TRAPPC9: variants seen among roughly 807,000 people sequenced by gnomAD.
TRAPPC9 encodes trafficking protein particle complex subunit 9.
A neutral mutation model predicts 124.0 loss-of-function variants in TRAPPC9; 83 were observed. The observed-to-expected ratio is 0.67, with a 90% CI of 0.56 to 0.80. TRAPPC9 has a LOEUF of 0.80. Ranked by LOEUF, TRAPPC9 falls within the 30% of genes least tolerant of loss-of-function variation. The pLI is 0.00. For missense variants in TRAPPC9, 1,302 were observed against 1,508.3 expected (o/e 0.86, Z 2.27); for synonymous variants, 638 against 617.5 (o/e 1.03, Z -0.49).
intron 21 of TRAPPC9, among the ~76,000 whole-genome samples, chr8:139,869,606 C>T (rs1231499261): frequency 6.6e-6 from 1 of 152,210 alleles, no homozygotes; most frequent in Non-Finnish European, 1.5e-5. Flanking sequence ...ACATTTTCAA[C>T]TCAATACACT....
intron 17 of TRAPPC9, among the ~76,000 whole-genome samples, chr8:140,034,868 C>A (rs745435101): frequency 6.6e-6 from 1 of 152,224 alleles, no homozygotes; most frequent in Non-Finnish European, 1.5e-5. Context: ...ATGCTGTCTC[C>A]CAGAGAAAGG....
intron 21 of TRAPPC9, among the ~76,000 whole-genome samples, chr8:139,865,536 T>C (rs954420292): frequency 6.6e-6 from 1 of 152,034 alleles, no homozygotes; most frequent in African/African-American, 2.4e-5. Context: ...AAAGGTATGT[T>C]TGAGACCAGG....
chr8:139,957,257 G>A (rs745282), intron 19 of TRAPPC9, among the ~76,000 whole-genome samples: 2 of 152,234 alleles, frequency 1.3e-5, no homozygotes, highest in Middle Eastern at 3.4e-3. Context: ...GGAGGGCCGC[G>A]TACCTGCCCT....
At chr8:139,842,643 C>A (rs996108699) in intron 21 of TRAPPC9, among the ~76,000 whole-genome samples, 12 of 151,288 alleles carry the variant, frequency 7.9e-5, no homozygotes, top group African/African-American at 2.9e-4. Context: ...GGCTGGACTC[C>A]CATGGAGGAG....
chr8:140,442,431 C>T (rs1454218662), intron 2 of TRAPPC9, among the ~76,000 whole-genome samples: 1 of 151,692 alleles, frequency 6.6e-6, no homozygotes, highest in Non-Finnish European at 1.5e-5. Context: ...AACCCCGTGT[C>T]TACTGAAAAT....
chr8:139,865,683 CTCAGCCTGAAGCCA>C (rs1168991368), intron 21 of TRAPPC9, among the ~76,000 whole-genome samples: 1 of 152,292 alleles, frequency 6.6e-6, no homozygotes, highest in East Asian at 1.9e-4. Flanking sequence ...CCCCAAACAA[CTCAGCCTGAAGCCA>C]TGGGGTCCCA....
At chr8:139,852,980 C>G (rs1440182248) in intron 21 of TRAPPC9, among the ~76,000 whole-genome samples, 1 of 152,234 alleles carries the variant, frequency 6.6e-6, no homozygotes, top group Admixed American at 6.5e-5. Flanking sequence ...CAGCCGCTGA[C>G]CAAGCCATAC....
intron 15 of TRAPPC9, among the ~76,000 whole-genome samples, chr8:140,272,373 T>TGGTAGTGAG (rs2064964851): frequency 1.0e-5 from 1 of 98,978 alleles, no homozygotes; most frequent in Non-Finnish European, 2.1e-5. Flanking sequence ...GTAGTGAGGG[T>TGGTAGTGAG]GGTGGTGATG....
chr8:139,960,312 C>T (rs1045259756), intron 19 of TRAPPC9, among the ~76,000 whole-genome samples: 2 of 152,074 alleles, frequency 1.3e-5, no homozygotes, highest in Non-Finnish European at 2.9e-5. Flanking sequence ...GTGGCAAAAG[C>T]CTTTACAAAA....
Position 139,907,545 on chromosome 8 carries a change from G to A in TRAPPC9, c.2964+2602C>T, listed in dbSNP as rs1307605496. On this transcript the variant is annotated intron_variant, in intron 20 of 22. Coordinates refer to ENST00000438773, the MANE Select transcript of TRAPPC9 (RefSeq NM_001160372.4). The surrounding 1 kb of genome is among the most constrained non-coding windows in gnomAD (Gnocchi z 4.7). ...GGAGAGGGAGAAAGAGAAAGGGGGG[G>A]AGGAAGGGATGGAGGCAGAGAGGGA... 7.3e-6 allele frequency among the ~76,000 whole-genome samples: 1 copy of A among 136,878 alleles called. No homozygotes were observed. Among genetic ancestry groups the A allele is most frequent in the East Asian group, 2.5e-4 (1 of 4,036 alleles). The allele number at this position is 136,878 out of a possible 152,430, so 89.8% of individuals were successfully genotyped here. A position where few individuals can be genotyped will look rare whatever the true frequency, so the allele number is the denominator to read the frequency against.
rs149173591 is a variant in TRAPPC9 at position 140,344,124 on chromosome 8, A to G, written c.1495+15926T>C. Among the ~76,000 whole-genome samples, 351 of 152,234 alleles carry G rather than the reference A, an allele frequency of 2.3e-3. 1 individual carries two copies. The highest frequency in any genetic ancestry group is 8.0e-3 in the African/African-American group (333 of 41,552). On this transcript the variant is annotated intron_variant, in intron 9 of 22. Coordinates refer to ENST00000438773, the MANE Select transcript of TRAPPC9 (RefSeq NM_001160372.4). The stretch of plus-strand genomic sequence containing the variant: ...ATCAGGGCATGTGAGTAGAGTTCTC[A>G]TGATAGGAGGAGTTCCCTTGTAAAG...
intron 19 of TRAPPC9, 67 bp downstream of exon 19, chr8:139,988,659 C>G (rs1587424145): frequency 1.8e-6 from 2 of 1,088,596 alleles, no homozygotes; most frequent in Non-Finnish European, 2.7e-6. Context: ...ATCTCCACAC[C>G]CTCCCAAGCA....
At chr8:140,077,472 C>T (rs781542505) in intron 17 of TRAPPC9, among the ~76,000 whole-genome samples, 1 of 152,114 alleles carries the variant, frequency 6.6e-6, no homozygotes, top group Non-Finnish European at 1.5e-5. Flanking sequence ...GCAGGTGTGA[C>T]CAGATGCCTA....
chr8:139,987,242 T>C (rs1229191162), intron 19 of TRAPPC9, among the ~76,000 whole-genome samples: 2 of 152,250 alleles, frequency 1.3e-5, no homozygotes, highest in African/African-American at 4.8e-5. Flanking sequence ...ATATGTTTCA[T>C]ATTATCCTTA....
intron 21 of TRAPPC9, among the ~76,000 whole-genome samples, chr8:139,831,242 C>G (rs570405819): frequency 1.3e-5 from 2 of 152,168 alleles, no homozygotes; most frequent in Non-Finnish European, 2.9e-5. Flanking sequence ...ATTAGTTGGA[C>G]TTGTGTGGTC....
rs548638318 is a variant in TRAPPC9 at position 140,088,477 on chromosome 8, G to T, written c.2557-64398C>A. ...CATCTCCGCTTAAACACACAACGAG[G>T]ACTGGGACCTTTTGAAATTATGACT... On this transcript the variant is annotated intron_variant, in intron 17 of 22. Coordinates refer to ENST00000438773, the MANE Select transcript of TRAPPC9 (RefSeq NM_001160372.4). Among the ~76,000 whole-genome samples the T allele has an allele frequency of 9.2e-5, 14 of 152,330 alleles. No homozygotes were observed. The East Asian group carries it at 2.7e-3, about 29-fold the overall frequency.
intron 7 of TRAPPC9, among the ~76,000 whole-genome samples, chr8:140,383,402 T>G (rs1179288141): frequency 6.6e-6 from 1 of 152,120 alleles, no homozygotes; most frequent in Admixed American, 6.5e-5. Flanking sequence ...TGCAAAGAAC[T>G]TAAACACCTT....
In TRAPPC9 at chr8:139,731,166, G is replaced by A. The variant is rs1431969309; in HGVS notation, c.3342C>T (p.Phe1114=). The change falls in exon 23 of 23, where the codon TTC becomes TTT. Residue 1114 remains phenylalanine, a synonymous_variant. Transcript: ENST00000438773. The stretch of plus-strand genomic sequence containing the variant: ...CCTCGTGGAACCGGATGTGGAGGAA[G>A]AAGTCTCCCGTGTAGAGGAAGAGGA... The part of the protein sequence containing the change: ...GALLFLYTGD[F]FLHIRFHEDS... 3 of 1,613,980 alleles carry A rather than the reference G, an allele frequency of 1.9e-6. No individual in the cohort carries two copies. The highest frequency in any genetic ancestry group is 2.5e-6 in the Non-Finnish European group (3 of 1,179,996).
intron 21 of TRAPPC9, among the ~76,000 whole-genome samples, chr8:139,858,473 A>G (rs992496755): frequency 5.9e-5 from 9 of 152,214 alleles, no homozygotes; most frequent in South Asian, 2.1e-4. Flanking sequence ...TGCCATTTTT[A>G]TCAATCTAGA....
Sources: gnomAD v4.1 joint callset for allele counts (sites outside exome capture counted in the v4.1 genomes callset) on GRCh38, gnomAD v4.1.1 for gene constraint, Gnocchi (gnomAD v3.1) non-coding constraint, MANE v1.5 for transcripts, NCBI Gene and HGNC (gene_info 2026-07-23, HGNC 2026-07-21) for gene names.